The following TFEB variants were observed in gnomAD, a reference collection of about 807,000 sequenced individuals.
TFEB encodes the protein T-cell transcription factor EB.
In TFEB, 12 loss-of-function variants were observed where a neutral mutation model predicts 48.0. The ratio of observed to expected loss-of-function variants is 0.25; its 90% CI spans 0.16 to 0.40. TFEB has a LOEUF of 0.40. Among genes scored for constraint, TFEB ranks in the 10% least tolerant of loss-of-function variants. TFEB has a pLI of 1.00. For synonymous variants in TFEB, 244 were observed against 261.4 expected (o/e 0.93, Z 0.64); for missense variants, 509 against 640.3 (o/e 0.79, Z 2.21).
intron 1 of TFEB, among the ~76,000 whole-genome samples, chr6:41,716,785 A>G (rs756934205): frequency 1.3e-5 from 2 of 152,184 alleles, no homozygotes; most frequent in Non-Finnish European, 2.9e-5. Context: ...ACAGCCCTCC[A>G]GGAGAGGACA....
intron 1 of TFEB, among the ~76,000 whole-genome samples, chr6:41,713,909 A>C (rs911818677): frequency 1.3e-5 from 2 of 152,182 alleles, no homozygotes; most frequent in Non-Finnish European, 2.9e-5. Flanking sequence ...CAGTGGACAC[A>C]GTTGGATGGC....
At position 41,723,238 on chromosome 6, in the gene TFEB, C is replaced by T. The variant is rs1206727187; in HGVS notation, c.-23+12112G>A. ...TTCTTCCCCATTCTTTCCCTCACCC[C>T]AGCCTTGGCCATGCTCAGAGACCCC... On this transcript the variant is annotated intron_variant, in intron 1 of 8. Coordinates refer to ENST00000373033, the MANE Select transcript of TFEB (RefSeq NM_001271944.2). The surrounding 1 kb of genome is among the most constrained non-coding windows in gnomAD (Gnocchi z 6.0). 2.0e-5 allele frequency among the ~76,000 whole-genome samples: 3 copies of T among 152,118 alleles called. No individual in the cohort carries two copies. Among genetic ancestry groups the T allele is most frequent in the Non-Finnish European group, 2.9e-5 (2 of 68,004 alleles).
At chr6:41,715,024 C>T (rs1002762754) in intron 1 of TFEB, among the ~76,000 whole-genome samples, 12 of 152,202 alleles carry the variant, frequency 7.9e-5, no homozygotes, top group Admixed American at 5.9e-4. Flanking sequence ...AGGATGAAGC[C>T]GCTCCATGGA....
chr6:41,725,570 A>G lies in TFEB; in HGVS notation c.-23+9780T>C, dbSNP rs138674144. Among the ~76,000 whole-genome samples, 21 of 152,044 alleles carry G rather than the reference A, an allele frequency of 1.4e-4. No homozygotes were observed. The East Asian group carries it at 4.1e-3, about 29-fold the overall frequency. On this transcript the variant is annotated intron_variant, in intron 1 of 8. Transcript: ENST00000373033. ...CCCACAAGACCAATATCACCTTCCA[A>G]CTCCCAAGCTACATGCCAACCCCCT...
intron 1 of TFEB, among the ~76,000 whole-genome samples, chr6:41,700,522 A>C (rs1410218817): frequency 6.6e-6 from 1 of 151,736 alleles, no homozygotes; most frequent in Admixed American, 6.6e-5. Context: ...GAGGAAGCAG[A>C]GGCTCCAAAA....
chr6:41,687,611 TG>T, intron 6 of TFEB, 141 bp downstream of exon 6: 2 of 1,015,844 alleles, frequency 2.0e-6, no homozygotes, highest in Admixed American at 4.0e-5. Flanking sequence ...GCGACAGCAA[TG>T]GGAGGGCTTA....
chr6:41,735,277 G>A, intron 1 of TFEB, 73 bp downstream of exon 1: 5 of 980,526 alleles, frequency 5.1e-6, no homozygotes, highest in Non-Finnish European at 6.1e-6. Flanking sequence ...GGGACCCACG[G>A]GATAGGGGCC....
rs1769104400 is a variant in TFEB at position 41,687,998 on chromosome 6, A to T, written c.580T>A (p.Tyr194Asn). 6.2e-7 allele frequency: 1 copy of T among 1,613,174 alleles called. No individual in the cohort carries two copies. Among genetic ancestry groups the T allele is most frequent in the African/African-American group, 1.3e-5 (1 of 74,856 alleles). The change falls in exon 5 of 9, where the codon TAC (tyrosine) becomes AAC (asparagine). Residue 194 changes from tyrosine (Y) to asparagine (N), a missense_variant. Transcript: ENST00000373033. Reference protein sequence around the residue: ...LPLSSSHLNVYSSDPQVTASL... With the variant: ...LPLSSSHLNVNSSDPQVTASL... The stretch of plus-strand genomic sequence containing the variant: ...GCTGTGACCTGGGGGTCGCTGCTGT[A>T]CACATTCAGGTGGCTGCTGGACAGG...
intron 1 of TFEB, among the ~76,000 whole-genome samples, chr6:41,701,944 CAA>C (rs58971184): frequency 1.2e-4 from 13 of 109,644 alleles, no homozygotes; most frequent in East Asian, 5.5e-4. Flanking sequence ...GGCTCCGTCT[CAA>C]AAAAAAAAAA....
chr6:41,686,253 A>G lies in TFEB; in HGVS notation c.804-16T>C. ...GCGCACGTCCCTGCAGCAGCAGGCC[A>G]GGCAAATTAGAGGTGCATGCTCAGA... On this transcript the variant is annotated splice_polypyrimidine_tract_variant and intron_variant, in intron 7 of 8. Transcript: ENST00000373033. The G allele has an allele frequency of 1.2e-6, 2 of 1,613,452 alleles. No individual in the cohort carries two copies. The highest frequency in any genetic ancestry group is 1.7e-6 in the Non-Finnish European group (2 of 1,179,446).
intron 1 of TFEB, among the ~76,000 whole-genome samples, chr6:41,702,346 A>C (rs1769979012): frequency 6.6e-6 from 1 of 152,178 alleles, no homozygotes; most frequent in Admixed American, 6.5e-5. Context: ...AGGGGGCGGA[A>C]GGGGAGGCTA....
At chr6:41,700,203 A>C (rs903827768) in intron 1 of TFEB, among the ~76,000 whole-genome samples, 3 of 150,862 alleles carry the variant, frequency 2.0e-5, no homozygotes, top group African/African-American at 5.0e-5. Context: ...GCGGTGGCTC[A>C]CGCCTGTAAT....
At chr6:41,729,162 C>T (rs1469975381) in intron 1 of TFEB, among the ~76,000 whole-genome samples, 2 of 152,014 alleles carry the variant, frequency 1.3e-5, no homozygotes, top group African/African-American at 4.8e-5. Context: ...TACCAGGCTT[C>T]ACCCCAACTC....
chr6:41,735,720 C>T, upstream of TFEB: 1 of 303,132 alleles, frequency 3.3e-6, no homozygotes, highest in Non-Finnish European at 4.9e-6. Flanking sequence ...CTAGGCACGC[C>T]GGGATTTGTA....
intron 1 of TFEB, among the ~76,000 whole-genome samples, chr6:41,695,017 T>C (rs903032920): frequency 2.6e-5 from 4 of 152,200 alleles, no homozygotes; most frequent in Admixed American, 6.5e-5. Context: ...CAGCTGACTC[T>C]GCCTCAAAGC....
chr6:41,717,611 A>G (rs1325896786), intron 1 of TFEB, among the ~76,000 whole-genome samples: 2 of 152,126 alleles, frequency 1.3e-5, no homozygotes, highest in East Asian at 3.9e-4. Context: ...GCAGCCATAA[A>G]CTAGGCATAG....
At chr6:41,711,818 T>C (rs540321075) in intron 1 of TFEB, among the ~76,000 whole-genome samples, 39 of 152,280 alleles carry the variant, frequency 2.6e-4, no homozygotes, top group East Asian at 7.7e-4. Flanking sequence ...TGGGGGAACA[T>C]GGGCCTGCGG....
chr6:41,732,614 C>T, intron 1 of TFEB: 1 of 985,954 alleles, frequency 1.0e-6, no homozygotes, highest in Non-Finnish European at 1.2e-6. Context: ...TACATAAACC[C>T]CACACCAACC....
At chr6:41,721,285 G>A (rs1251262312) in intron 1 of TFEB, among the ~76,000 whole-genome samples, 1 of 152,078 alleles carries the variant, frequency 6.6e-6, no homozygotes, top group Admixed American at 6.6e-5. Context: ...ACATGGCACA[G>A]GAGGGACAGA....
Sources: allele counts gnomAD v4.1 joint callset (sites outside exome capture counted in the v4.1 genomes callset), GRCh38; gene constraint gnomAD v4.1.1; non-coding constraint Gnocchi (gnomAD v3.1); transcripts MANE v1.5; gene names NCBI Gene and HGNC (gene_info 2026-07-23, HGNC 2026-07-21).